The following GPHN variants were observed in gnomAD, a reference collection of about 807,000 sequenced individuals.
GPHN encodes the protein gephyrin.
Under a neutral mutation model 95.5 loss-of-function variants are expected in GPHN, and 17 were observed. The ratio of observed to expected loss-of-function variants is 0.18; its 90% CI spans 0.12 to 0.27. GPHN has a LOEUF of 0.27. Among genes scored for constraint, GPHN ranks in the 10% least tolerant of loss-of-function variants. The probability of loss-of-function intolerance (pLI) is 1.00; values close to 1 mark genes in which losing one functional copy is unlikely to be tolerated. For synonymous variants in GPHN, 320 were observed against 322.5 expected, an observed-to-expected ratio of 0.99 and a Z score of 0.08; for missense variants, 660 against 978.1, an observed-to-expected ratio of 0.67 and a Z score of 4.34.
intron 2 of GPHN, among the ~76,000 whole-genome samples, chr14:66,705,295 C>A (rs771869408): frequency 4.1e-4 from 40 of 97,574 alleles, no homozygotes; most frequent in South Asian, 1.3e-3. Context: ...AAAGGAGGGA[C>A]TCCTCCCTAA....
chr14:67,193,397 CTAGA>C, the GPHN span, among the ~76,000 whole-genome samples: 2 of 135,556 alleles, frequency 1.5e-5, no homozygotes, highest in Non-Finnish European at 3.2e-5. Flanking sequence ...CTAGATATAT[CTAGA>C]TATATATCTA....
rs1223636834 is a variant in GPHN at position 66,508,193 on chromosome 14, C to T, written c.-335C>T. 2.0e-6 allele frequency: 1 copy of T among 499,514 alleles called. No homozygotes were observed. The highest frequency in any genetic ancestry group is 3.7e-6 in the Non-Finnish European group (1 of 272,792). The allele number at this position is 499,514 out of a possible 1,614,324, so 30.9% of individuals were successfully genotyped here. On this transcript the variant is annotated 5_prime_UTR_variant, in exon 1 of 23. Coordinates refer to ENST00000478722, the MANE Select transcript of GPHN (RefSeq NM_020806.5). ...TCTAGCTGCCTTGGGTCTCGCGCTC[C>T]GCAGAGCGTTCCGACACTCTCCGGC...
the GPHN span, chr14:67,726,881 C>A: frequency 2.8e-6 from 3 of 1,073,648 alleles, no homozygotes; most frequent in East Asian, 2.5e-5. Flanking sequence ...TGGTTCACAC[C>A]CAGAAGATAG....
the GPHN span, among the ~76,000 whole-genome samples, chr14:67,708,654 A>T: frequency 6.6e-6 from 1 of 152,202 alleles, no homozygotes; most frequent in African/African-American, 2.4e-5. Flanking sequence ...TTTGGAACAC[A>T]TACCAGTAAC....
At chr14:67,312,512 CT>C in the GPHN span, 4 of 1,499,884 alleles carry the variant, frequency 2.7e-6, no homozygotes, top group South Asian at 1.5e-5. Context: ...TGTTTTTGCC[CT>C]TTTTATCTTT....
intron 2 of GPHN, among the ~76,000 whole-genome samples, chr14:66,729,947 A>G (rs2071617379): frequency 6.6e-6 from 1 of 152,122 alleles, no homozygotes; most frequent in African/African-American, 2.4e-5. Context: ...AGCAGTGAAA[A>G]CTCATTTAAT....
At chr14:66,971,194 G>A (rs928544567) in intron 9 of GPHN, among the ~76,000 whole-genome samples, 16 of 152,186 alleles carry the variant, frequency 1.1e-4, no homozygotes, top group Non-Finnish European at 2.1e-4. Context: ...CAGGCGCGTT[G>A]GCACATGCCT....
intron 5 of GPHN, among the ~76,000 whole-genome samples, chr14:66,889,472 G>A (rs970366373): frequency 9.9e-5 from 15 of 151,910 alleles, no homozygotes; most frequent in South Asian, 4.1e-4. Context: ...AAGGAAAACC[G>A]GAAAATTTAC....
intron 9 of GPHN, among the ~76,000 whole-genome samples, chr14:67,010,065 T>C (rs1225156857): frequency 2.0e-5 from 3 of 152,026 alleles, no homozygotes; most frequent in Admixed American, 2.0e-4. Flanking sequence ...AGCCGTGTTT[T>C]TCTTTTAGAT....
At chr14:67,355,252 G>A in the GPHN span, among the ~76,000 whole-genome samples, 1 of 151,816 alleles carries the variant, frequency 6.6e-6, no homozygotes, top group African/African-American at 2.4e-5. Flanking sequence ...ACATACGTAA[G>A]ATTCCTGAGA....
At chr14:67,666,536 G>A in the GPHN span, among the ~76,000 whole-genome samples, 1 of 152,194 alleles carries the variant, frequency 6.6e-6, no homozygotes, top group Non-Finnish European at 1.5e-5. Context: ...ATCATTTCTT[G>A]TGATGATAAA....
At chr14:67,184,169 A>G (rs2083356615), downstream of GPHN, among the ~76,000 whole-genome samples, 1 of 152,206 alleles carries the variant, frequency 6.6e-6, no homozygotes, top group African/African-American at 2.4e-5. Flanking sequence ...TAGGTATAAG[A>G]TGTTTGTAAG....
intron 5 of GPHN, among the ~76,000 whole-genome samples, chr14:66,893,819 C>A (rs1300081393): frequency 6.6e-6 from 1 of 152,036 alleles, no homozygotes; most frequent in African/African-American, 2.4e-5. Flanking sequence ...ATGTGGAGGA[C>A]CTCTTCAAGG....
At chr14:67,631,678 T>G in the GPHN span, among the ~76,000 whole-genome samples, 2 of 152,178 alleles carry the variant, frequency 1.3e-5, no homozygotes, top group African/African-American at 4.8e-5. Flanking sequence ...GTGATCCTCC[T>G]GCCTTGGCCT....
intron 4 of GPHN, among the ~76,000 whole-genome samples, chr14:66,845,916 T>C (rs2062317175): frequency 6.6e-6 from 1 of 151,962 alleles, no homozygotes; most frequent in Non-Finnish European, 1.5e-5. Flanking sequence ...AATCCACTGA[T>C]GAAACACAAT....
chr14:67,022,613 C>T (rs1220808571), intron 9 of GPHN, among the ~76,000 whole-genome samples: 2 of 54,168 alleles, frequency 3.7e-5, no homozygotes, highest in Non-Finnish European at 6.5e-5. Flanking sequence ...GTGTATTTTT[C>T]TTGTATGTAT....
the GPHN span, among the ~76,000 whole-genome samples, chr14:67,539,165 C>T: frequency 3.9e-5 from 6 of 152,194 alleles, no homozygotes; most frequent in Admixed American, 3.9e-4. Flanking sequence ...AGCAAAATCC[C>T]AGTAAAGGAC....
chr14:67,720,400 T>C, the GPHN span, among the ~76,000 whole-genome samples: 1 of 152,234 alleles, frequency 6.6e-6, no homozygotes, highest in South Asian at 2.1e-4. Flanking sequence ...TTCAGTTTCC[T>C]GTCTTACTAG....
the GPHN span, chr14:67,559,734 TG>T: frequency 1.5e-6 from 2 of 1,364,334 alleles, no homozygotes; most frequent in Non-Finnish European, 2.1e-6. Context: ...GAGGCATGGC[TG>T]GGCCTGCCCT....
Sources: allele counts gnomAD v4.1 joint callset (sites outside exome capture counted in the v4.1 genomes callset), GRCh38; gene constraint gnomAD v4.1.1; transcripts MANE v1.5; gene names NCBI Gene and HGNC (gene_info 2026-07-23, HGNC 2026-07-21).